LRFN5: variants seen among roughly 807,000 people sequenced by gnomAD.
LRFN5 encodes the protein leucine-rich repeat and fibronectin type-III domain-containing protein 5.
LRFN5 carries 24 observed loss-of-function variants against 45.6 expected under a neutral mutation model. That is an observed-to-expected ratio of 0.53 (90% CI 0.38 to 0.74). The LOEUF (loss-of-function observed/expected upper bound fraction) is 0.74, where lower values mean the gene tolerates loss of function less well. LRFN5 is among the 30% of genes least tolerant of loss of function. The pLI, the probability that LRFN5 is intolerant of heterozygous loss-of-function variation, is 0.00. For missense variants in LRFN5, 776 were observed against 861.5 expected (o/e 0.90, Z 1.24); for synonymous variants, 340 against 313.8 (o/e 1.08, Z -0.88).
intron 1 of LRFN5, among the ~76,000 whole-genome samples, chr14:41,658,947 T>A (rs763947923): frequency 3.3e-5 from 5 of 151,996 alleles, no homozygotes; most frequent in African/African-American, 4.8e-5. Context: ...ATTGTTCTCT[T>A]TTCCTGCCTG....
chr14:41,892,859 A>G (rs942235334), intron 4 of LRFN5: 30 of 984,980 alleles, frequency 3.0e-5, no homozygotes, highest in African/African-American at 3.5e-5. Flanking sequence ...GGACATATGA[A>G]GATGTTTTCA....
rs527258413 is a variant in LRFN5, at chr14:41,694,305, T to C, written c.-196-72549T>C. Among the ~76,000 whole-genome samples the C allele has an allele frequency of 2.3e-3, 346 of 152,096 alleles. 2 individuals are homozygous for C. Among genetic ancestry groups the C allele is most frequent in the South Asian group, 0.019 (92 of 4,826 alleles). Reference sequence around the variant, plus strand: ...TTATTCCTTCTATCTAGCTGAAACTTCGTATCTTTTGACCAATAACTCCTC... The same window carrying C: ...TTATTCCTTCTATCTAGCTGAAACTCCGTATCTTTTGACCAATAACTCCTC... On this transcript the variant is annotated intron_variant, in intron 1 of 5. Transcript: ENST00000298119.
intron 2 of LRFN5, among the ~76,000 whole-genome samples, chr14:41,775,014 C>A (rs1444218466): frequency 6.6e-6 from 1 of 151,956 alleles, no homozygotes; most frequent in Non-Finnish European, 1.5e-5. Context: ...ACACATTTCC[C>A]CTGTAGTAAT....
At chr14:41,772,475 G>A (rs1398465406) in intron 2 of LRFN5, among the ~76,000 whole-genome samples, 1 of 152,086 alleles carries the variant, frequency 6.6e-6, no homozygotes, top group Non-Finnish European at 1.5e-5. Flanking sequence ...TGCTTATCTG[G>A]TTACATGAAT....
intron 2 of LRFN5, among the ~76,000 whole-genome samples, chr14:41,828,015 A>G (rs1888354877): frequency 6.6e-6 from 1 of 152,040 alleles, no homozygotes; most frequent in Admixed American, 6.6e-5. Context: ...CATTTGGTTC[A>G]TGTCACAAGG....
Position 41,857,069 on chromosome 14 carries a change from T to C in LRFN5, c.-20-29537T>C, listed in dbSNP as rs574889121. On this transcript the variant is annotated intron_variant, in intron 2 of 5. Coordinates refer to ENST00000298119, the MANE Select transcript of LRFN5 (RefSeq NM_152447.5). ...ATTTTCACAACAAAATTCAGTATTT[T>C]GCAATTCTTTCTTTCCTAATTATTA... Among the ~76,000 whole-genome samples the C allele has an allele frequency of 2.6e-5, 4 of 152,272 alleles. No homozygotes were observed. In the South Asian group the frequency reaches 6.2e-4, roughly 24 times the overall value.
At chr14:41,648,743 G>T (rs750657665) in intron 1 of LRFN5, among the ~76,000 whole-genome samples, 1 of 151,356 alleles carries the variant, frequency 6.6e-6, no homozygotes, top group Non-Finnish European at 1.5e-5. Context: ...CCTCCACTCC[G>T]CCCTCCCCTT....
At chr14:41,706,572 A>G (rs1283411971) in intron 1 of LRFN5, among the ~76,000 whole-genome samples, 1 of 152,124 alleles carries the variant, frequency 6.6e-6, no homozygotes, top group African/African-American at 2.4e-5. Flanking sequence ...TCCTTTATTC[A>G]TATGTGAGTA....
At chr14:41,773,934 C>T (rs565785820) in intron 2 of LRFN5, among the ~76,000 whole-genome samples, 1 of 152,274 alleles carries the variant, frequency 6.6e-6, no homozygotes, top group East Asian at 1.9e-4. Flanking sequence ...ACAACAGCTA[C>T]AAATGTCTTA....
At chr14:41,671,637 T>TTTTTTTTTTTTTA (rs61290111) in intron 1 of LRFN5, among the ~76,000 whole-genome samples, 5 of 143,610 alleles carry the variant, frequency 3.5e-5, no homozygotes, top group East Asian at 2.5e-4. Flanking sequence ...TTTTTTTTTT[T>TTTTTTTTTTTTTA]ACGGAGTTTC....
intron 1 of LRFN5, among the ~76,000 whole-genome samples, chr14:41,661,676 G>A (rs540401709): frequency 7.7e-4 from 117 of 152,112 alleles, no homozygotes; most frequent in Admixed American, 1.6e-3. Context: ...TAGGTGATGT[G>A]GAGCACAGAG....
intron 1 of LRFN5, among the ~76,000 whole-genome samples, chr14:41,657,702 G>C (rs939939441): frequency 6.6e-5 from 10 of 151,810 alleles, no homozygotes; most frequent in African/African-American, 2.4e-4. Context: ...CCAAACTAAC[G>C]TACATACCCA....
intron 2 of LRFN5, among the ~76,000 whole-genome samples, chr14:41,843,094 T>C (rs1263787557): frequency 6.7e-6 from 1 of 150,364 alleles, no homozygotes; most frequent in Non-Finnish European, 1.5e-5. Context: ...TTCTTTTTTT[T>C]TTTTTTTTTA....
At chr14:41,886,570 G>T in intron 2 of LRFN5, 36 bp from the exon 3 acceptor site, 1 of 1,329,148 alleles carries the variant, frequency 7.5e-7, no homozygotes, top group Non-Finnish European at 1.0e-6. Context: ...TTAAATCACT[G>T]GATGCTAACA....
intron 2 of LRFN5, among the ~76,000 whole-genome samples, chr14:41,863,949 C>T (rs1183119599): frequency 2.6e-5 from 4 of 152,000 alleles, no homozygotes; most frequent in Non-Finnish European, 4.4e-5. Flanking sequence ...CTTTCTGTTC[C>T]TGTGTTAGTT....
At chr14:41,613,385 T>C (rs551523333) in intron 1 of LRFN5, among the ~76,000 whole-genome samples, 1 of 152,172 alleles carries the variant, frequency 6.6e-6, no homozygotes, top group East Asian at 1.9e-4. Context: ...GGCACATATT[T>C]ACCTATGTAA....
At chr14:41,823,470 C>G (rs938221036) in intron 2 of LRFN5, among the ~76,000 whole-genome samples, 6 of 151,270 alleles carry the variant, frequency 4.0e-5, no homozygotes, top group African/African-American at 1.5e-4. Context: ...AAAATAGGAT[C>G]CTAATTTCTT....
At chr14:41,836,057 T>C (rs901992726) in intron 2 of LRFN5, among the ~76,000 whole-genome samples, 2 of 152,116 alleles carry the variant, frequency 1.3e-5, no homozygotes, top group African/African-American at 4.8e-5. Context: ...AATTATATGA[T>C]CTTCCACCTT....
intron 4 of LRFN5, among the ~76,000 whole-genome samples, chr14:41,898,620 ACT>A (rs1442489734): frequency 2.0e-5 from 3 of 152,016 alleles, no homozygotes; most frequent in African/African-American, 7.2e-5. Flanking sequence ...ATCTTATTGA[ACT>A]CTGTCACGAA....
Sources: gnomAD v4.1 joint callset for allele counts (sites outside exome capture counted in the v4.1 genomes callset) on GRCh38, gnomAD v4.1.1 for gene constraint, MANE v1.5 for transcripts, NCBI Gene and HGNC (gene_info 2026-07-23, HGNC 2026-07-21) for gene names.